The following DCP1B variants were observed in gnomAD, a reference collection of about 807,000 sequenced individuals.
The protein encoded by DCP1B is mRNA-decapping enzyme 1B.
DCP1B carries 47 observed loss-of-function variants against 60.5 expected under a neutral mutation model. That is an observed-to-expected ratio of 0.78 (90% CI 0.61 to 0.99). The LOEUF (loss-of-function observed/expected upper bound fraction) is 0.99. Ranked by LOEUF, DCP1B falls within the 50% of genes least tolerant of loss-of-function variation. The pLI is 0.00. For missense variants in DCP1B, 725 were observed against 756.8 expected, an observed-to-expected ratio of 0.96 and a Z score of 0.49; for synonymous variants, 267 against 280.3, an observed-to-expected ratio of 0.95 and a Z score of 0.47.
chr12:2,002,394 T>C (rs2042379274), intron 1 of DCP1B, among the ~76,000 whole-genome samples: 1 of 152,220 alleles, frequency 6.6e-6, no homozygotes, highest in Non-Finnish European at 1.5e-5. Flanking sequence ...TACCACAGCC[T>C]TGAAGATTAG....
chr12:1,971,263 CCT>C lies in DCP1B; in HGVS notation c.320-3355_320-3354del. On this transcript the variant is annotated intron_variant, in intron 3 of 8. Coordinates refer to ENST00000280665, the MANE Select transcript of DCP1B (RefSeq NM_152640.5). The surrounding 1 kb of genome is among the most constrained non-coding windows in gnomAD (Gnocchi z 4.2). ...ACATGTTGAAATTTACTCTAAATATCCTAATGATACCTAGAATGTGACTTCCT... is the reference window on the plus strand; with the variant it reads ...ACATGTTGAAATTTACTCTAAATATCAATGATACCTAGAATGTGACTTCCT... The C allele has an allele frequency of 3.6e-6, 3 of 835,460 alleles. No homozygotes were observed. Among genetic ancestry groups the C allele is most frequent in the Middle Eastern group, 3.3e-4 (1 of 3,040 alleles). 51.8% of individuals were successfully genotyped at this position (835,460 alleles called of 1,614,324 possible).
intron 2 of DCP1B, among the ~76,000 whole-genome samples, chr12:1,995,590 C>A (rs1420442749): frequency 6.6e-6 from 1 of 152,232 alleles, no homozygotes; most frequent in Non-Finnish European, 1.5e-5. Context: ...TTCCACCTCC[C>A]ATTGTTGCCT....
intron 5 of DCP1B, among the ~76,000 whole-genome samples, chr12:1,960,709 AG>A (rs1459893864): frequency 6.6e-6 from 1 of 152,254 alleles, no homozygotes; most frequent in Non-Finnish European, 1.5e-5. Flanking sequence ...CTTCAATAAA[AG>A]TAAGTCTAGC....
intron 3 of DCP1B, among the ~76,000 whole-genome samples, chr12:1,983,125 CTT>C (rs879705096): frequency 7.0e-6 from 1 of 143,786 alleles, no homozygotes. Context: ...TTTGTGTCTT[CTT>C]TTTTTTTTTC....
At chr12:1,983,233 GT>G (rs1367332263) in intron 3 of DCP1B, among the ~76,000 whole-genome samples, 3 of 138,776 alleles carry the variant, frequency 2.2e-5, no homozygotes, top group African/African-American at 8.3e-5. Context: ...CAGTTTTTTT[GT>G]TTTTTATCTC....
rs186215804 is a variant in DCP1B, at chr12:1,998,850, C to T, written c.151-875G>A. ...ATTTACATGGTTTAATTTCAGCATTCTATTTAAACCCCTGATATTTTATTA... is the reference window on the plus strand; with the variant it reads ...ATTTACATGGTTTAATTTCAGCATTTTATTTAAACCCCTGATATTTTATTA... On this transcript the variant is annotated intron_variant, in intron 1 of 8. Transcript: ENST00000280665. 1.6e-3 allele frequency among the ~76,000 whole-genome samples: 248 copies of T among 152,264 alleles called. No individual in the cohort carries two copies. The South Asian group carries it at 0.018, about 11-fold the overall frequency.
intron 2 of DCP1B, among the ~76,000 whole-genome samples, chr12:1,995,483 T>C (rs2154475939): frequency 6.6e-6 from 1 of 152,394 alleles, no homozygotes; most frequent in South Asian, 2.1e-4. Context: ...TAGACTCATA[T>C]ACCAACGGTT....
Position 2,004,288 on chromosome 12 carries a change from G to C in DCP1B, c.144C>G (p.Asn48Lys). 2 of 1,613,124 alleles carry C rather than the reference G, an allele frequency of 1.2e-6. No individual in the cohort carries two copies. Among genetic ancestry groups the C allele is most frequent in the Non-Finnish European group, 1.7e-6 (2 of 1,179,886 alleles). ...VALYTFGHRANEWEKTDVEGT... is the reference protein window; with the variant it reads ...VALYTFGHRAKEWEKTDVEGT... ...CCGCCGCGTCCGCACGCACCCACTC[G>C]TTGGCCCGATGGCCGAAGGTGTACA... The change falls in exon 1 of 9, where the codon AAC (asparagine) becomes AAG (lysine). Residue 48 changes from asparagine to lysine, a missense_variant. Coordinates refer to ENST00000280665, the MANE Select transcript of DCP1B (RefSeq NM_152640.5).
rs185692396 is a variant in DCP1B at position 1,958,278 on chromosome 12, A to G, written c.523-2718T>C. Among the ~76,000 whole-genome samples the G allele has an allele frequency of 1.2e-3, 169 of 141,518 alleles. 3 individuals are homozygous for G. The highest frequency in any genetic ancestry group is 1.2e-3 in the South Asian group (5 of 4,240). The allele number at this position is 141,518 out of a possible 152,430, so 92.8% of individuals were successfully genotyped here. ...CTCCCCAACGTTGCTCTGGGTAATG[A>G]CTTTTTCTATAAACCTACTGGAAGA... is the stretch of plus-strand genomic sequence containing the variant. On this transcript the variant is annotated intron_variant, in intron 5 of 8. Coordinates refer to ENST00000280665, the MANE Select transcript of DCP1B (RefSeq NM_152640.5).
chr12:1,965,714 A>G (rs907578471), intron 4 of DCP1B, 21 bp from the exon 5 acceptor site: 1 of 1,593,344 alleles, frequency 6.3e-7, no homozygotes, highest in Admixed American at 1.8e-5. Flanking sequence ...AGAGGGGAAA[A>G]TCCACACAAG....
rs191897567 is a variant in DCP1B at position 1,986,050 on chromosome 12, T to G, written c.319+7214A>C. The stretch of plus-strand genomic sequence containing the variant: ...GGATGGTCTCGATCTCCTGACCTCG[T>G]GATCTGCCCGCCTTGGCCTCCCAAA... On this transcript the variant is annotated intron_variant, in intron 3 of 8. Transcript: ENST00000280665. Among the ~76,000 whole-genome samples, 53 of 152,340 alleles carry G rather than the reference T, an allele frequency of 3.5e-4. No homozygotes were observed. The East Asian group carries it at 4.1e-3, about 12-fold the overall frequency.
At chr12:1,950,380 GA>G (rs1281163098) in intron 7 of DCP1B, 1 of 702,364 alleles carries the variant, frequency 1.4e-6, no homozygotes, top group Admixed American at 2.0e-5. Context: ...TGTGAGTACT[GA>G]AAAGTCAAGG....
Position 1,948,743 on chromosome 12 carries a change from G to A in DCP1B, c.1773+343C>T, listed in dbSNP as rs1242644977. ...CTGCTCCCACCTCTACCTCCCAATG[G>A]TGAGTTTTCTGTCTGGGCCTCCAGC... On this transcript the variant is annotated intron_variant, in intron 8 of 8. Transcript: ENST00000280665. This position sits in a 1 kb window ranked among gnomAD's most constrained non-coding sequence, Gnocchi z 4.8. Among the ~76,000 whole-genome samples, 2 of 152,134 alleles carry A rather than the reference G, an allele frequency of 1.3e-5. No individual in the cohort carries two copies. Among genetic ancestry groups the A allele is most frequent in the African/African-American group, 2.4e-5 (1 of 41,430 alleles).
chr12:1,979,635 C>T (rs137973945), intron 3 of DCP1B, among the ~76,000 whole-genome samples: 116 of 152,322 alleles, frequency 7.6e-4, no homozygotes, highest in Middle Eastern at 3.4e-3. Flanking sequence ...TAAATAACTA[C>T]GAACGGAACT....
At chr12:1,967,360 A>G (rs1278335462) in intron 4 of DCP1B, among the ~76,000 whole-genome samples, 1 of 152,220 alleles carries the variant, frequency 6.6e-6, no homozygotes. Flanking sequence ...AATAAAGACT[A>G]CCTTAACTCA....
At chr12:1,984,117 T>C (rs369368416) in intron 3 of DCP1B, among the ~76,000 whole-genome samples, 2 of 152,222 alleles carry the variant, frequency 1.3e-5, no homozygotes, top group African/African-American at 2.4e-5. Context: ...CCTATCTATA[T>C]TGTTACATTT....
intron 3 of DCP1B, among the ~76,000 whole-genome samples, chr12:1,978,484 T>A (rs1259443797): frequency 6.6e-6 from 1 of 152,248 alleles, no homozygotes; most frequent in African/African-American, 2.4e-5. Context: ...AATTTTCATT[T>A]ATTTAAATAC....
At chr12:1,943,159 C>G (rs1013680858), downstream of DCP1B, among the ~76,000 whole-genome samples, 1 of 152,124 alleles carries the variant, frequency 6.6e-6, no homozygotes, top group Non-Finnish European at 1.5e-5. Context: ...TCAGAGAATA[C>G]CATAAACACC....
chr12:1,989,456 T>C (rs2038782492), intron 3 of DCP1B, among the ~76,000 whole-genome samples: 1 of 152,238 alleles, frequency 6.6e-6, no homozygotes, highest in South Asian at 2.1e-4. Context: ...GGCTCACGCC[T>C]ATAATCCCAG....
Sources: gnomAD v4.1 joint callset for allele counts (sites outside exome capture counted in the v4.1 genomes callset) on GRCh38, gnomAD v4.1.1 for gene constraint, Gnocchi (gnomAD v3.1) non-coding constraint, MANE v1.5 for transcripts, NCBI Gene and HGNC (gene_info 2026-07-23, HGNC 2026-07-21) for gene names.